Variants in ESR1 observed in about 807,000 individuals in gnomAD.
ESR1 encodes estrogen receptor.
Under a neutral mutation model 52.7 loss-of-function variants are expected in ESR1, and 12 were observed. The observed-to-expected ratio is 0.23, with a 90% CI of 0.15 to 0.37. The LOEUF (loss-of-function observed/expected upper bound fraction) is 0.37. ESR1 is among the 10% of genes least tolerant of loss of function. The probability of loss-of-function intolerance (pLI) is 1.00; values close to 1 mark genes in which losing one functional copy is unlikely to be tolerated. For synonymous variants in ESR1, 305 were observed against 316.8 expected (o/e 0.96, Z 0.39); for missense variants, 584 against 779.7 (o/e 0.75, Z 2.99).
chr6:152,125,119 G>A, intron 6 of ESR1: 1 of 867,020 alleles, frequency 1.2e-6, no homozygotes. Context: ...TGAATGACTT[G>A]CTTCAGATTC....
chr6:151,808,360 T>C lies in ESR1; in HGVS notation c.448T>C (p.Tyr150His). Reference protein sequence around the residue: ...TVREAGPPAFYRPNSDNRRQG... With the variant: ...TVREAGPPAFHRPNSDNRRQG... ...GCGCGAGGCCGGCCCGCCGGCATTC[T>C]ACAGGTACCCGCGCCCGCGCCGCCC... The change falls in exon 1 of 8, where the codon TAC (tyrosine) becomes CAC (histidine). Residue 150 changes from tyrosine to histidine, a missense_variant. Physicochemically the swap from Tyr to His is moderately conservative, Grantham distance 83. Transcript: ENST00000206249. 1 of 1,256,258 alleles carries C rather than the reference T, an allele frequency of 8.0e-7. No individual in the cohort carries two copies. The highest frequency in any genetic ancestry group is 1.0e-6 in the Non-Finnish European group (1 of 976,708). The allele number at this position is 1,256,258 out of a possible 1,614,324, so 77.8% of individuals were successfully genotyped here. A position where few individuals can be genotyped will look rare whatever the true frequency, so the allele number is the denominator to read the frequency against.
At chr6:151,731,335 G>A (rs1782221656) in intron 2 of ESR1, among the ~76,000 whole-genome samples, 1 of 151,606 alleles carries the variant, frequency 6.6e-6, no homozygotes, top group African/African-American at 2.4e-5. Flanking sequence ...CAGCCTAGGT[G>A]ACACAGTGAG....
chr6:151,989,610 T>G (rs2040825814), intron 4 of ESR1, among the ~76,000 whole-genome samples: 3 of 152,142 alleles, frequency 2.0e-5, no homozygotes, highest in Admixed American at 1.3e-4. Flanking sequence ...ATATGTAGAC[T>G]GGCTTAGGGT....
chr6:151,962,489 C>T (rs571912546), intron 4 of ESR1, among the ~76,000 whole-genome samples: 50 of 152,270 alleles, frequency 3.3e-4, no homozygotes, highest in African/African-American at 1.2e-3. Flanking sequence ...TGGTTGATGT[C>T]ATTCCTTTTC....
intron 2 of ESR1, among the ~76,000 whole-genome samples, chr6:151,734,748 G>A (rs550151395): frequency 1.6e-4 from 24 of 151,940 alleles, no homozygotes; most frequent in Non-Finnish European, 2.6e-4. Context: ...TCAGCCTCCC[G>A]AGTAGCTGGG....
At chr6:151,868,682 A>G (rs1431010682) in intron 2 of ESR1, among the ~76,000 whole-genome samples, 2 of 151,746 alleles carry the variant, frequency 1.3e-5, no homozygotes, top group Admixed American at 1.3e-4. Flanking sequence ...GTGTAGATAT[A>G]CCATATATTC....
intron 1 of ESR1, among the ~76,000 whole-genome samples, chr6:151,684,114 T>C (rs1297263305): frequency 6.6e-6 from 1 of 152,010 alleles, no homozygotes; most frequent in Non-Finnish European, 1.5e-5. Context: ...GTAGTGCTTG[T>C]TGCTAGAGGA....
At chr6:151,667,628 C>T (rs1264017340) in intron 1 of ESR1, among the ~76,000 whole-genome samples, 2 of 152,176 alleles carry the variant, frequency 1.3e-5, no homozygotes, top group East Asian at 3.9e-4. Context: ...ACTGTGACTG[C>T]CTGGAGACTG....
At chr6:151,986,755 T>G (rs2128698238) in intron 4 of ESR1, among the ~76,000 whole-genome samples, 1 of 152,192 alleles carries the variant, frequency 6.6e-6, no homozygotes, top group East Asian at 1.9e-4. Context: ...CTGATGGCTC[T>G]AATTCTTGGT....
chr6:151,830,320 C>A (rs1782194616), intron 1 of ESR1, among the ~76,000 whole-genome samples: 1 of 152,122 alleles, frequency 6.6e-6, no homozygotes, highest in Non-Finnish European at 1.5e-5. Flanking sequence ...TGTCCTTTTT[C>A]TCGGTACTTT....
intron 4 of ESR1, among the ~76,000 whole-genome samples, chr6:151,960,211 G>T (rs1229662897): frequency 2.0e-5 from 3 of 152,204 alleles, no homozygotes; most frequent in African/African-American, 7.2e-5. Flanking sequence ...CATGCTATGA[G>T]CCCAGCAGTG....
intron 2 of ESR1, among the ~76,000 whole-genome samples, chr6:151,756,936 G>A (rs1415911372): frequency 1.3e-5 from 2 of 152,192 alleles, no homozygotes; most frequent in African/African-American, 4.8e-5. Flanking sequence ...GTTGCAGTGA[G>A]CCGGCATTGA....
intron 3 of ESR1, among the ~76,000 whole-genome samples, chr6:151,937,860 G>GC (rs2034554986): frequency 1.3e-5 from 2 of 152,266 alleles, no homozygotes; most frequent in South Asian, 4.2e-4. Context: ...ATGACCTTGA[G>GC]CATGGTAGTT....
intron 1 of ESR1, among the ~76,000 whole-genome samples, chr6:151,692,896 T>C (rs146804907): frequency 4.6e-4 from 70 of 152,348 alleles, no homozygotes; most frequent in African/African-American, 1.6e-3. Flanking sequence ...CCTAAAAATA[T>C]TCGCTGGAAA....
At chr6:151,955,280 T>G (rs2036778949) in intron 4 of ESR1, among the ~76,000 whole-genome samples, 1 of 152,194 alleles carries the variant, frequency 6.6e-6, no homozygotes, top group South Asian at 2.1e-4. Flanking sequence ...GCAATATTTT[T>G]TAAAAAGAGG....
At chr6:151,959,173 A>G (rs1442216620) in intron 4 of ESR1, among the ~76,000 whole-genome samples, 1 of 152,162 alleles carries the variant, frequency 6.6e-6, no homozygotes, top group African/African-American at 2.4e-5. Flanking sequence ...TGGCCATCTC[A>G]AGACTAAGTA....
chr6:151,807,231 C>G (rs1282566371), upstream of ESR1: 4 of 155,366 alleles, frequency 2.6e-5, no homozygotes, highest in Admixed American at 2.5e-4. Flanking sequence ...TGCCCTATCT[C>G]GGTTACAGTG....
intron 2 of ESR1, among the ~76,000 whole-genome samples, chr6:151,795,178 A>C (rs1328359747): frequency 6.6e-6 from 1 of 152,148 alleles, no homozygotes; most frequent in African/African-American, 2.4e-5. Context: ...TAGGAGGTAT[A>C]ATGTTCAAAT....
intron 3 of ESR1, among the ~76,000 whole-genome samples, chr6:151,924,311 G>T (rs1051462745): frequency 1.3e-5 from 2 of 152,154 alleles, no homozygotes; most frequent in African/African-American, 4.8e-5. Flanking sequence ...AAAGTGCTGG[G>T]ATTACAGACA....
Sources: gnomAD v4.1 joint callset for allele counts (sites outside exome capture counted in the v4.1 genomes callset) on GRCh38, gnomAD v4.1.1 for gene constraint, MANE v1.5 for transcripts, NCBI Gene and HGNC (gene_info 2026-07-23, HGNC 2026-07-21) for gene names.